YPEL2: variants seen among roughly 807,000 people sequenced by gnomAD.
YPEL2 encodes yippee like 2, also known as protein yippee-like 2.
A neutral mutation model predicts 19.1 loss-of-function variants in YPEL2; 2 were observed. The observed-to-expected ratio is 0.10, with a 90% CI of 0.04 to 0.33. The LOEUF (loss-of-function observed/expected upper bound fraction) is 0.33, where lower values mean the gene tolerates loss of function less well. Ranked by LOEUF, YPEL2 falls within the 10% of genes least tolerant of loss-of-function variation. The probability of loss-of-function intolerance (pLI) is 1.00; values close to 1 mark genes in which losing one functional copy is unlikely to be tolerated. For missense variants in YPEL2, 66 were observed against 140.7 expected (o/e 0.47, Z 2.68); for synonymous variants, 52 against 50.0 (o/e 1.04, Z -0.17).
intron 2 of YPEL2, among the ~76,000 whole-genome samples, chr17:59,374,769 T>A (rs139739464): frequency 1.3e-4 from 20 of 152,318 alleles, no homozygotes; most frequent in Middle Eastern, 3.4e-3. Context: ...TTATCCCATT[T>A]CACAGATGAG....
chr17:59,332,077 G>A (rs547335237), intron 1 of YPEL2, among the ~76,000 whole-genome samples: 1 of 152,078 alleles, frequency 6.6e-6, no homozygotes, highest in African/African-American at 2.4e-5. Flanking sequence ...GAGCCCAAGG[G>A]CGCGGGACCC....
At chr17:59,394,621 AG>A (rs1481649031) in intron 4 of YPEL2, among the ~76,000 whole-genome samples, 1 of 149,084 alleles carries the variant, frequency 6.7e-6, no homozygotes, top group Admixed American at 6.7e-5. Flanking sequence ...AGCCAGGCAG[AG>A]GGGCTCCTCA....
At chr17:59,370,102 G>T (rs1414895431) in intron 2 of YPEL2, among the ~76,000 whole-genome samples, 1 of 152,182 alleles carries the variant, frequency 6.6e-6, no homozygotes, top group Non-Finnish European at 1.5e-5. Flanking sequence ...TGTCGCCTGG[G>T]CTGGAGTGCA....
chr17:59,334,189 TG>T (rs1257537508), intron 1 of YPEL2, among the ~76,000 whole-genome samples: 1 of 152,148 alleles, frequency 6.6e-6, no homozygotes, highest in Admixed American at 6.5e-5. Context: ...GCCGATGAGT[TG>T]CGTGAGTTGC....
intron 1 of YPEL2, among the ~76,000 whole-genome samples, chr17:59,352,234 T>A (rs2047791081): frequency 1.3e-5 from 2 of 152,172 alleles, no homozygotes; most frequent in Admixed American, 6.5e-5. Context: ...ACACCACCCC[T>A]ATTAGTGAAG....
intron 4 of YPEL2, 92 bp downstream of exon 4, chr17:59,389,560 C>G (rs2047997573): frequency 1.0e-6 from 1 of 972,348 alleles, no homozygotes; most frequent in African/African-American, 1.6e-5. Flanking sequence ...CTTTCCATGG[C>G]CTTGTGGGAT....
At chr17:59,378,506 A>T (rs2047933551) in intron 2 of YPEL2, among the ~76,000 whole-genome samples, 1 of 151,942 alleles carries the variant, frequency 6.6e-6, no homozygotes, top group Non-Finnish European at 1.5e-5. Context: ...CACCACGCCC[A>T]GCTAATTTTG....
At chr17:59,360,269 G>A (rs1598036107) in intron 2 of YPEL2, among the ~76,000 whole-genome samples, 1 of 152,254 alleles carries the variant, frequency 6.6e-6, no homozygotes, top group East Asian at 1.9e-4. Flanking sequence ...TAGTAGAGAC[G>A]GGTTTCACCG....
chr17:59,397,053 C>G (rs1258656379), intron 4 of YPEL2, 48 bp from the exon 5 acceptor site: 2 of 1,458,674 alleles, frequency 1.4e-6, no homozygotes, highest in Non-Finnish European at 1.9e-6. Flanking sequence ...AAATCATTTT[C>G]TTGTCTTTGG....
intron 1 of YPEL2, among the ~76,000 whole-genome samples, chr17:59,344,773 A>G (rs927874040): frequency 3.3e-5 from 5 of 152,104 alleles, no homozygotes; most frequent in African/African-American, 7.2e-5. Flanking sequence ...AAAAAGTATT[A>G]GTGTTTGGAC....
At chr17:59,383,992 G>A (rs1403543312) in intron 2 of YPEL2, among the ~76,000 whole-genome samples, 1 of 152,092 alleles carries the variant, frequency 6.6e-6, no homozygotes, top group Admixed American at 6.6e-5. Flanking sequence ...ATAGGTTTTT[G>A]TATAAACATA....
chr17:59,347,842 T>C (rs1316550861), intron 1 of YPEL2, among the ~76,000 whole-genome samples: 1 of 152,084 alleles, frequency 6.6e-6, no homozygotes, highest in Non-Finnish European at 1.5e-5. Context: ...TCAACATAAA[T>C]AGGAAAGAGG....
At chr17:59,346,253 CTACT>C (rs1379475487) in intron 1 of YPEL2, among the ~76,000 whole-genome samples, 2 of 152,342 alleles carry the variant, frequency 1.3e-5, no homozygotes, top group East Asian at 3.9e-4. Context: ...CAGGCTATGG[CTACT>C]TAGTCACGTT....
chr17:59,361,244 TATC>T (rs1375546022), intron 2 of YPEL2, among the ~76,000 whole-genome samples: 3 of 152,220 alleles, frequency 2.0e-5, no homozygotes, highest in Non-Finnish European at 2.9e-5. Flanking sequence ...TACTTGCTCT[TATC>T]ATCTTATTGA....
intron 4 of YPEL2, among the ~76,000 whole-genome samples, chr17:59,394,198 C>G (rs768466899): frequency 2.0e-5 from 3 of 151,842 alleles, no homozygotes; most frequent in Admixed American, 6.6e-5. Context: ...GGGGCTGACC[C>G]CCACCTCCCT....
rs896335760 is a variant in YPEL2 at position 59,372,831 on chromosome 17, A to G, written c.118-15496A>G. Among the ~76,000 whole-genome samples the G allele has an allele frequency of 3.9e-5, 6 of 152,236 alleles. No homozygotes were observed. In the South Asian group the frequency reaches 6.2e-4, roughly 16 times the overall value. The stretch of plus-strand genomic sequence containing the variant: ...GTTAAAGTAAATAGTGCTTATGACA[A>G]TGCCCCGAGGCAGTATCAGAACATG... On this transcript the variant is annotated intron_variant, in intron 2 of 4. Coordinates refer to ENST00000312655, the MANE Select transcript of YPEL2 (RefSeq NM_001005404.4).
chr17:59,378,799 C>T (rs1043548972), intron 2 of YPEL2, among the ~76,000 whole-genome samples: 3 of 152,342 alleles, frequency 2.0e-5, no homozygotes, highest in Non-Finnish European at 4.4e-5. Context: ...CTGCCCCTCC[C>T]TCCATCTGTT....
At chr17:59,383,992 G>T (rs1403543312) in intron 2 of YPEL2, among the ~76,000 whole-genome samples, 1 of 152,092 alleles carries the variant, frequency 6.6e-6, no homozygotes, top group African/African-American at 2.4e-5. Context: ...ATAGGTTTTT[G>T]TATAAACATA....
chr17:59,359,161 C>T lies in YPEL2; in HGVS notation c.117+5635C>T, dbSNP rs369093294. Among the ~76,000 whole-genome samples, 9 of 151,516 alleles carry T rather than the reference C, an allele frequency of 5.9e-5. No individual in the cohort carries two copies. In the South Asian group the frequency reaches 1.7e-3, roughly 28 times the overall value. ...CTGGTCTCAAACTCCTGACCTCCAGCGATCCACGCGCCTTAGCCTCCCAAA... is the reference window on the plus strand; with the variant it reads ...CTGGTCTCAAACTCCTGACCTCCAGTGATCCACGCGCCTTAGCCTCCCAAA... On this transcript the variant is annotated intron_variant, in intron 2 of 4. Coordinates refer to ENST00000312655, the MANE Select transcript of YPEL2 (RefSeq NM_001005404.4).
Sources: allele counts gnomAD v4.1 joint callset (sites outside exome capture counted in the v4.1 genomes callset), GRCh38; gene constraint gnomAD v4.1.1; transcripts MANE v1.5; gene names NCBI Gene and HGNC (gene_info 2026-07-23, HGNC 2026-07-21).